The following HMBOX1 variants were observed in gnomAD, a reference collection of about 807,000 sequenced individuals.
HMBOX1 encodes the protein homeobox-containing protein 1.
Under a neutral mutation model 54.5 loss-of-function variants are expected in HMBOX1, and 14 were observed. The observed-to-expected ratio is 0.26, with a 90% CI of 0.17 to 0.40. The LOEUF is 0.40. Among genes scored for constraint, HMBOX1 ranks in the 10% least tolerant of loss-of-function variants. The pLI is 1.00. For missense variants in HMBOX1, 332 were observed against 514.4 expected, an observed-to-expected ratio of 0.65 and a Z score of 3.43; for synonymous variants, 160 against 181.0, an observed-to-expected ratio of 0.88 and a Z score of 0.93.
At chr8:29,049,622 G>A (rs1440502816) in intron 9 of HMBOX1, 4 of 465,132 alleles carry the variant, frequency 8.6e-6, no homozygotes, top group African/African-American at 1.9e-5. Flanking sequence ...TCTTCACCTC[G>A]CCCTGATTTA....
At chr8:29,045,553 A>G (rs1805452079) in intron 7 of HMBOX1, 110 bp downstream of exon 7, 3 of 818,210 alleles carry the variant, frequency 3.7e-6, no homozygotes, top group Non-Finnish European at 6.2e-6. Context: ...CTCCCGGCTC[A>G]GTCTGTGCCA....
intron 4 of HMBOX1, among the ~76,000 whole-genome samples, chr8:28,997,372 G>A (rs1334577580): frequency 6.6e-6 from 1 of 152,046 alleles, no homozygotes; most frequent in Non-Finnish European, 1.5e-5. Context: ...TGTGGATTTT[G>A]TCATTTATTG....
At chr8:28,890,355 C>G (rs1810632978), upstream of HMBOX1, 1 of 169,328 alleles carries the variant, frequency 5.9e-6, no homozygotes, top group Non-Finnish European at 1.3e-5. Context: ...GGAACTACAA[C>G]TCCCAGGGAC....
chr8:28,944,721 A>G (rs1249396853), intron 1 of HMBOX1, among the ~76,000 whole-genome samples: 3 of 152,190 alleles, frequency 2.0e-5, no homozygotes, highest in South Asian at 2.1e-4. Flanking sequence ...CAATCCATCA[A>G]AAGTGATTAC....
chr8:28,984,275 T>A (rs1296039416), intron 4 of HMBOX1, among the ~76,000 whole-genome samples: 1 of 152,230 alleles, frequency 6.6e-6, no homozygotes, highest in Non-Finnish European at 1.5e-5. Context: ...ACAAGTTCTC[T>A]TAAAAAGATT....
intron 6 of HMBOX1, among the ~76,000 whole-genome samples, chr8:29,036,643 T>G (rs1803921464): frequency 6.6e-6 from 1 of 152,192 alleles, no homozygotes. Flanking sequence ...TTCCAGGAAC[T>G]CTTGTGAAAT....
chr8:28,983,864 G>T lies in HMBOX1; in HGVS notation c.586+3708G>T, dbSNP rs561115980. ...GTTGTTTATATCAGGCCTGGGGAAT[G>T]AGGATGATTGATAACCATATTGGTT... On this transcript the variant is annotated intron_variant, in intron 4 of 9. Coordinates refer to ENST00000287701, the MANE Select transcript of HMBOX1 (RefSeq NM_001135726.3). Among the ~76,000 whole-genome samples, 24 of 152,328 alleles carry T rather than the reference G, an allele frequency of 1.6e-4. 1 individual carries two copies. In the South Asian group the frequency reaches 4.8e-3, roughly 30 times the overall value.
At position 28,957,378 on chromosome 8, in the gene HMBOX1, T is replaced by C. The variant is rs570316821; in HGVS notation, c.-57-6433T>C. On this transcript the variant is annotated intron_variant, in intron 1 of 9. Coordinates refer to ENST00000287701, the MANE Select transcript of HMBOX1 (RefSeq NM_001135726.3). ...CTTTGGGTACACGTGCACATAAAGA[T>C]GAGAGCAGTAGACACTGGAGACTCC... is the stretch of plus-strand genomic sequence containing the variant. 1.8e-4 allele frequency among the ~76,000 whole-genome samples: 28 copies of C among 152,246 alleles called. 1 individual carries two copies. In the East Asian group the frequency reaches 4.8e-3, roughly 26 times the overall value.
intron 1 of HMBOX1, among the ~76,000 whole-genome samples, chr8:28,947,475 C>G (rs927818704): frequency 1.6e-4 from 25 of 152,160 alleles, no homozygotes. Flanking sequence ...TCTTTTCTTC[C>G]TTTCAGCACT....
intron 1 of HMBOX1, among the ~76,000 whole-genome samples, chr8:28,961,741 T>C (rs1007100436): frequency 2.6e-5 from 4 of 152,260 alleles, no homozygotes; most frequent in African/African-American, 9.6e-5. Context: ...ATTTAGTTTT[T>C]TGAGGAACTG....
intron 4 of HMBOX1, among the ~76,000 whole-genome samples, chr8:29,005,202 A>G (rs1039200669): frequency 2.0e-5 from 3 of 152,230 alleles, no homozygotes; most frequent in Non-Finnish European, 2.9e-5. Context: ...AACCTTGCTT[A>G]CTTCAGAGAG....
chr8:28,957,640 T>G (rs2132203347), intron 1 of HMBOX1, among the ~76,000 whole-genome samples: 1 of 152,336 alleles, frequency 6.6e-6, no homozygotes, highest in Non-Finnish European at 1.5e-5. Flanking sequence ...TATTATTTTT[T>G]GAGATAGCGT....
At chr8:28,979,981 C>A in intron 3 of HMBOX1, 90 bp from the exon 4 acceptor site, 1 of 938,122 alleles carries the variant, frequency 1.1e-6, no homozygotes, top group Non-Finnish European at 1.8e-6. Flanking sequence ...TCTGTGTTCT[C>A]CCCACCTCTC....
At chr8:28,982,870 C>T (rs567563217) in intron 4 of HMBOX1, among the ~76,000 whole-genome samples, 14 of 152,198 alleles carry the variant, frequency 9.2e-5, no homozygotes, top group Middle Eastern at 6.8e-3. Flanking sequence ...GTGATCCACC[C>T]GCTTCGGCCT....
At chr8:28,950,534 G>T (rs1483291087) in intron 1 of HMBOX1, among the ~76,000 whole-genome samples, 1 of 152,334 alleles carries the variant, frequency 6.6e-6, no homozygotes. Context: ...AACAGTGGCG[G>T]CTCCTTAGAT....
chr8:28,982,964 C>T (rs1418598296), intron 4 of HMBOX1, among the ~76,000 whole-genome samples: 1 of 152,110 alleles, frequency 6.6e-6, no homozygotes, highest in Non-Finnish European at 1.5e-5. Context: ...CACCATGTTG[C>T]TCAGGCTGGT....
chr8:29,037,105 A>G (rs1804010212), intron 6 of HMBOX1, among the ~76,000 whole-genome samples: 2 of 152,196 alleles, frequency 1.3e-5, no homozygotes, highest in South Asian at 4.1e-4. Flanking sequence ...CAAAGTCATG[A>G]AAACTTACAG....
At chr8:28,908,246 A>G (rs954853022) in intron 1 of HMBOX1, among the ~76,000 whole-genome samples, 7 of 152,230 alleles carry the variant, frequency 4.6e-5, no homozygotes, top group Non-Finnish European at 1.5e-5. Flanking sequence ...AAATGAAAAT[A>G]TAATTAGCTT....
At chr8:28,965,504 G>C (rs1461563046) in intron 2 of HMBOX1, among the ~76,000 whole-genome samples, 1 of 152,224 alleles carries the variant, frequency 6.6e-6, no homozygotes, top group East Asian at 1.9e-4. Context: ...AGCTATTAAA[G>C]TGTCTTTGCT....
Sources: allele counts gnomAD v4.1 joint callset (sites outside exome capture counted in the v4.1 genomes callset), GRCh38; gene constraint gnomAD v4.1.1; transcripts MANE v1.5; gene names NCBI Gene and HGNC (gene_info 2026-07-23, HGNC 2026-07-21).